PIGQ: variants seen among roughly 807,000 people sequenced by gnomAD.
PIGQ encodes the protein phosphatidylinositol N-acetylglucosaminyltransferase subunit Q.
A neutral mutation model predicts 60.3 loss-of-function variants in PIGQ; 54 were observed. That is an observed-to-expected ratio of 0.90 (90% CI 0.72 to 1.12). The LOEUF (loss-of-function observed/expected upper bound fraction) is 1.12, where lower values mean the gene tolerates loss of function less well. PIGQ is among the 50% of genes most tolerant of loss of function. The pLI, the probability that PIGQ is intolerant of heterozygous loss-of-function variation, is 0.00. For synonymous variants in PIGQ, 416 were observed against 363.7 expected (o/e 1.14, Z -1.64); for missense variants, 799 against 793.5 (o/e 1.01, Z -0.08).
At chr16:572,410 G>C in intron 1 of PIGQ, 1 of 420,864 alleles carries the variant, frequency 2.4e-6, no homozygotes, top group South Asian at 1.7e-5. Context: ...CCCAGTGCGG[G>C]CTGCCTGCAG....
chr16:582,113 G>A lies in PIGQ; in HGVS notation c.1532-135G>A, dbSNP rs531766898. 8 of 723,458 alleles carry A rather than the reference G, an allele frequency of 1.1e-5. No individual in the cohort carries two copies. In the African/African-American group the frequency reaches 1.4e-4, roughly 13 times the overall value. 44.8% of individuals were successfully genotyped at this position (723,458 alleles called of 1,614,324 possible). A position where few individuals can be genotyped will look rare whatever the true frequency, so the allele number is the denominator to read the frequency against. On this transcript the variant is annotated intron_variant, in intron 9 of 10. Coordinates refer to ENST00000321878, the MANE Select transcript of PIGQ (RefSeq NM_004204.5). ...CTCCAGGAGTTGGGCGACGGAGGGG[G>A]CGGGGAGAGCTTCGTGGGTGGCCAC... is the stretch of plus-strand genomic sequence containing the variant.
At position 582,325 on chromosome 16, in the gene PIGQ, G is replaced by T; in HGVS notation, c.1593+16G>T. On this transcript the variant is annotated intron_variant, in intron 10 of 10. Transcript: ENST00000321878. The stretch of plus-strand genomic sequence containing the variant: ...CCTGATGCAGGTGAGGCCCCTTGTG[G>T]CCAGGACGCCCCTACGCTGCTGCCC... The T allele has an allele frequency of 6.3e-7, 1 of 1,580,154 alleles. No homozygotes were observed. The highest frequency in any genetic ancestry group is 1.1e-5 in the South Asian group (1 of 87,754).
intron 1 of PIGQ, chr16:572,583 G>A (rs754641839): frequency 5.3e-5 from 24 of 451,974 alleles, no homozygotes; most frequent in South Asian, 3.8e-4. Flanking sequence ...GGTGGGCTCT[G>A]AGACCTCCAG....
chr16:573,899 A>T (rs1467536553), intron 1 of PIGQ, among the ~76,000 whole-genome samples, 167 bp from the exon 2 acceptor site: 1 of 152,156 alleles, frequency 6.6e-6, no homozygotes, highest in African/African-American at 2.4e-5. Flanking sequence ...GGCCCACGCG[A>T]GGCGGCAGCC....
intron 1 of PIGQ, chr16:572,493 TC>T: frequency 4.4e-6 from 2 of 456,082 alleles, no homozygotes; most frequent in Non-Finnish European, 8.8e-6. Context: ...CCAGAGCCCC[TC>T]CAAGCTTCGG....
intron 10 of PIGQ, 25 bp from the exon 11 acceptor site, chr16:582,858 C>T (rs920019747): frequency 2.5e-6 from 4 of 1,574,430 alleles, no homozygotes; most frequent in Non-Finnish European, 3.5e-6. Flanking sequence ...GACCACCCCA[C>T]TGACCGCTGC....
rs780952915 is a variant in PIGQ, at chr16:583,310, C to T, written c.*275C>T. 1.2e-6 allele frequency: 2 copies of T among 1,612,868 alleles called. No homozygotes were observed. Among genetic ancestry groups the T allele is most frequent in the South Asian group, 1.1e-5 (1 of 91,090 alleles). On this transcript the variant is annotated 3_prime_UTR_variant, in exon 11 of 11. Coordinates refer to ENST00000321878, the MANE Select transcript of PIGQ (RefSeq NM_004204.5). Reference sequence around the variant, plus strand: ...GCTGCGGTCACCATGGTGGCGAGCACAGCAACCCCAGGTGTCCAGAGCACT... The same window carrying T: ...GCTGCGGTCACCATGGTGGCGAGCATAGCAACCCCAGGTGTCCAGAGCACT...
chr16:577,646 C>T (rs1411757900), intron 4 of PIGQ, among the ~76,000 whole-genome samples: 1 of 152,142 alleles, frequency 6.6e-6, no homozygotes, highest in Non-Finnish European at 1.5e-5. Context: ...GGCCTTGGCC[C>T]AGGCTTGGAA....
rs2035838013 is a variant in PIGQ at position 583,027 on chromosome 16, C to T, written c.1738C>T (p.Gln580Ter). 2 of 1,613,120 alleles carry T rather than the reference C, an allele frequency of 1.2e-6. No individual in the cohort carries two copies. Among genetic ancestry groups the T allele is most frequent in the Admixed American group, 1.7e-5 (1 of 60,026 alleles). Residue 580 changes from glutamine to a stop codon, truncating the protein, a stop_gained, in exon 11 of 11, where the codon CAG becomes TAG. Coordinates refer to ENST00000321878, the MANE Select transcript of PIGQ (RefSeq NM_004204.5). LOFTEE classifies it high-confidence loss of function. ...CCCCTGGAGGCAGAGAGGGGACAAGCAGGACTGAGGGAACTGCTGGCTCGC... is the reference window on the plus strand; with the variant it reads ...CCCCTGGAGGCAGAGAGGGGACAAGTAGGACTGAGGGAACTGCTGGCTCGC... Reference protein sequence around the residue: ...IYPWRQRGDKQD With the variant: ...IYPWRQRGDK
chr16:574,555 G>T lies in PIGQ; in HGVS notation c.481G>T (p.Gly161Cys), dbSNP rs752008411. ...QAGATTASTG[G>C]LAAVFDTVAR... ...TGGAGCCACCACTGCCAGCACGGGG[G>T]GCCTGGCTGCCGTCTTCGACACGGT... Residue 161 changes from glycine to cysteine, a missense_variant, in exon 2 of 11, where the codon GGC becomes TGC. Transcript: ENST00000321878. The T allele has an allele frequency of 1.2e-5, 20 of 1,604,216 alleles. No homozygotes were observed. The highest frequency in any genetic ancestry group is 1.7e-4 in the Middle Eastern group (1 of 5,864).
chr16:583,255 A>G lies in PIGQ; in HGVS notation c.*220A>G. 1 of 1,612,916 alleles carries G rather than the reference A, an allele frequency of 6.2e-7. No homozygotes were observed. The highest frequency in any genetic ancestry group is 1.1e-5 in the South Asian group (1 of 91,078). ...AGGCTGGCCGCACTCCATCACTGGCACTGCCTGCCTTGGGACCCGCTTCCC... is the reference window on the plus strand; with the variant it reads ...AGGCTGGCCGCACTCCATCACTGGCGCTGCCTGCCTTGGGACCCGCTTCCC... On this transcript the variant is annotated 3_prime_UTR_variant, in exon 11 of 11. Coordinates refer to ENST00000321878, the MANE Select transcript of PIGQ (RefSeq NM_004204.5).
chr16:571,288 CCG>C (rs1491401258), intron 1 of PIGQ, among the ~76,000 whole-genome samples: 2 of 8,676 alleles, frequency 2.3e-4, no homozygotes, highest in African/African-American at 4.9e-4. Flanking sequence ...AGCCTGGCGC[CCG>C]TGTGTGTGTG....
intron 9 of PIGQ, 74 bp from the exon 10 acceptor site, chr16:582,174 G>A (rs748737844): frequency 9.2e-7 from 1 of 1,088,730 alleles, no homozygotes; most frequent in Non-Finnish European, 1.4e-6. Context: ...AGAGAGGAAG[G>A]TACCTGCAGC....
At position 583,607 on chromosome 16, in the gene PIGQ, G is replaced by C. The variant is rs759264656; in HGVS notation, c.*572G>C. ...CTGAACCACACGGGGTTTATTTGCGGATGTTCCCTGGAGAGGTCGCTTTGT... is the reference window on the plus strand; with the variant it reads ...CTGAACCACACGGGGTTTATTTGCGCATGTTCCCTGGAGAGGTCGCTTTGT... On this transcript the variant is annotated 3_prime_UTR_variant, in exon 11 of 11. Transcript: ENST00000321878. The C allele has an allele frequency of 1.2e-6, 2 of 1,612,818 alleles. No individual in the cohort carries two copies. The highest frequency in any genetic ancestry group is 2.7e-5 in the African/African-American group (2 of 75,046).
chr16:576,680 C>T (rs2035725166), intron 4 of PIGQ: 1 of 434,936 alleles, frequency 2.3e-6, no homozygotes, highest in African/African-American at 2.0e-5. Flanking sequence ...TGCCCTGCCC[C>T]TGTGCTGATT....
chr16:581,904 C>G, intron 9 of PIGQ: 1 of 347,916 alleles, frequency 2.9e-6, no homozygotes. Flanking sequence ...GCTGAGATTA[C>G]AGGCACACGC....
intron 8 of PIGQ, chr16:580,652 G>T: frequency 1.7e-6 from 1 of 596,462 alleles, no homozygotes; most frequent in Non-Finnish European, 3.0e-6. Context: ...CCTCTGACCT[G>T]GTGAGAGGGC....
In PIGQ at chr16:581,039, A is replaced by G. The variant is rs566864128; in HGVS notation, c.1531+67A>G. The stretch of plus-strand genomic sequence containing the variant: ...GGGGAACCACACCTGTGGGCCCTGC[A>G]GAAGCAAGGACAGCATGGGCCACTG... On this transcript the variant is annotated intron_variant, in intron 9 of 10. Transcript: ENST00000321878. 20 of 1,338,552 alleles carry G rather than the reference A, an allele frequency of 1.5e-5. No individual in the cohort carries two copies. The African/African-American group carries it at 2.9e-4, about 19-fold the overall frequency. 82.9% of individuals were successfully genotyped at this position (1,338,552 alleles called of 1,614,324 possible). A position where few individuals can be genotyped will look rare whatever the true frequency, so the allele number is the denominator to read the frequency against.
intron 1 of PIGQ, among the ~76,000 whole-genome samples, chr16:573,734 G>A (rs905971605): frequency 1.7e-4 from 26 of 152,280 alleles, no homozygotes; most frequent in African/African-American, 6.0e-4. Flanking sequence ...CCACAGCCGC[G>A]TCAGGTGGTG....
Sources: allele counts gnomAD v4.1 joint callset (sites outside exome capture counted in the v4.1 genomes callset), GRCh38; gene constraint gnomAD v4.1.1; transcripts MANE v1.5; gene names NCBI Gene and HGNC (gene_info 2026-07-23, HGNC 2026-07-21).